Variants in CDH13 observed in about 807,000 individuals in gnomAD.
CDH13 encodes the protein cadherin-13.
A neutral mutation model predicts 63.8 loss-of-function variants in CDH13; 24 were observed. The observed-to-expected ratio is 0.38, with a 90% CI of 0.27 to 0.53. CDH13 has a LOEUF of 0.53. CDH13 is among the 20% of genes least tolerant of loss of function. CDH13 has a pLI of 0.85. For missense variants in CDH13, 1,049 were observed against 903.1 expected (o/e 1.16, Z -2.07); for synonymous variants, 503 against 355.3 (o/e 1.42, Z -4.67).
intron 6 of CDH13, among the ~76,000 whole-genome samples, chr16:83,380,458 GTGAAACCTTTCTA>G (rs1291969516): frequency 5.9e-5 from 9 of 152,076 alleles, no homozygotes; most frequent in Non-Finnish European, 1.0e-4. Context: ...ACAGATACAC[GTGAAACCTTTCTA>G]TCTACCTACC....
At chr16:82,965,307 G>C (rs1474532010) in intron 2 of CDH13, among the ~76,000 whole-genome samples, 1 of 152,204 alleles carries the variant, frequency 6.6e-6, no homozygotes, top group African/African-American at 2.4e-5. Flanking sequence ...ATGCTCTTCT[G>C]AGCTTGGAGC....
chr16:83,025,199 A>G (rs1567755496), intron 2 of CDH13, among the ~76,000 whole-genome samples: 1 of 152,234 alleles, frequency 6.6e-6, no homozygotes, highest in Non-Finnish European at 1.5e-5. Context: ...TTGTTTACAC[A>G]TGCCATAAGG....
chr16:82,775,745 G>T (rs1358971118), intron 1 of CDH13, among the ~76,000 whole-genome samples: 1 of 152,170 alleles, frequency 6.6e-6, no homozygotes, highest in Non-Finnish European at 1.5e-5. Flanking sequence ...GTTGGGTAAA[G>T]CTCTGAGCAC....
chr16:82,990,622 C>G (rs1911548713), intron 2 of CDH13, among the ~76,000 whole-genome samples: 1 of 150,994 alleles, frequency 6.6e-6, no homozygotes, highest in African/African-American at 2.4e-5. Context: ...TCACGGCTCA[C>G]TGCCGCCTTG....
intron 1 of CDH13, among the ~76,000 whole-genome samples, chr16:82,847,862 C>G (rs1434733999): frequency 6.8e-6 from 1 of 147,450 alleles, no homozygotes; most frequent in Non-Finnish European, 1.5e-5. Context: ...TTGCCCCATG[C>G]TTTTCCTTGT....
chr16:82,879,244 C>T (rs916601272), intron 2 of CDH13, among the ~76,000 whole-genome samples: 2 of 151,922 alleles, frequency 1.3e-5, no homozygotes, highest in African/African-American at 4.8e-5. Flanking sequence ...GCTCTGTAAC[C>T]TAGAAAAAGC....
intron 7 of CDH13, among the ~76,000 whole-genome samples, chr16:83,488,915 G>A (rs1340432661): frequency 6.6e-6 from 1 of 152,178 alleles, no homozygotes; most frequent in African/African-American, 2.4e-5. Context: ...ATGAGCCACT[G>A]CGCCCGGCCA....
intron 2 of CDH13, among the ~76,000 whole-genome samples, chr16:82,884,772 C>A (rs975173127): frequency 7.2e-5 from 11 of 152,172 alleles, no homozygotes; most frequent in African/African-American, 2.2e-4. Flanking sequence ...GATTTTTCAG[C>A]CTTGTCCAAT....
intron 5 of CDH13, among the ~76,000 whole-genome samples, chr16:83,234,769 A>T (rs1194580413): frequency 6.6e-6 from 1 of 152,190 alleles, no homozygotes; most frequent in Non-Finnish European, 1.5e-5. Flanking sequence ...GTTTTTGTCC[A>T]CTTTGCATGT....
chr16:82,794,137 C>T (rs1357253040), intron 1 of CDH13, among the ~76,000 whole-genome samples: 1 of 151,462 alleles, frequency 6.6e-6, no homozygotes, highest in African/African-American at 2.4e-5. Context: ...CGTAAAGTTT[C>T]TTAAAAGGTT....
intron 6 of CDH13, among the ~76,000 whole-genome samples, chr16:83,436,994 G>C (rs958712091): frequency 1.3e-5 from 2 of 151,966 alleles, no homozygotes; most frequent in Non-Finnish European, 2.9e-5. Flanking sequence ...CTTGATTTTG[G>C]TGCTTGAGAA....
At position 83,390,818 on chromosome 16, in the gene CDH13, G is replaced by T. The variant is rs1029419798; in HGVS notation, c.781+45812G>T. Among the ~76,000 whole-genome samples, 4 of 152,262 alleles carry T rather than the reference G, an allele frequency of 2.6e-5. No individual in the cohort carries two copies. The East Asian group carries it at 7.7e-4, about 29-fold the overall frequency. On this transcript the variant is annotated intron_variant, in intron 6 of 13. Coordinates refer to ENST00000567109, the MANE Select transcript of CDH13 (RefSeq NM_001257.5). ...TATTTATTCAGCCGAGGTAGCTGAA[G>T]CAGGAGAAGGAAGAGCCTCAACTCA...
intron 4 of CDH13, among the ~76,000 whole-genome samples, chr16:83,186,201 C>G (rs1343539147): frequency 6.6e-6 from 1 of 150,938 alleles, no homozygotes; most frequent in Non-Finnish European, 1.5e-5. Flanking sequence ...GTGGCGTGAT[C>G]TCGGATCACT....
chr16:83,656,795 T>C (rs186945044), intron 8 of CDH13, among the ~76,000 whole-genome samples: 2 of 152,334 alleles, frequency 1.3e-5, no homozygotes, highest in Admixed American at 1.3e-4. Context: ...CATTCCCAGT[T>C]ATCCTTTGCC....
At chr16:83,596,294 C>T (rs1907250343) in intron 7 of CDH13, among the ~76,000 whole-genome samples, 1 of 152,202 alleles carries the variant, frequency 6.6e-6, no homozygotes, top group Non-Finnish European at 1.5e-5. Context: ...CCTCCCAAAA[C>T]ATTCAAGGCA....
chr16:83,515,899 A>G (rs1402898077), intron 7 of CDH13, among the ~76,000 whole-genome samples: 1 of 152,176 alleles, frequency 6.6e-6, no homozygotes, highest in Non-Finnish European at 1.5e-5. Context: ...TATAGGAATT[A>G]AACAGACAAG....
Position 83,426,907 on chromosome 16 carries a change from C to CTTTTTTTTTTTT in CDH13, c.782-59549_782-59538dup, listed in dbSNP as rs71148833. Reference sequence around the variant, plus strand: ...TCAGAATCTATAAATATGTTTCTTTCTTTTTTTTTTTTTTTTTTTTTTTTT... The same window carrying CTTTTTTTTTTTT: ...TCAGAATCTATAAATATGTTTCTTTCTTTTTTTTTTTTTTTTTTTTTTTTTTTTTTTTTTTTT... On this transcript the variant is annotated intron_variant, in intron 6 of 13. Coordinates refer to ENST00000567109, the MANE Select transcript of CDH13 (RefSeq NM_001257.5). Among the ~76,000 whole-genome samples the CTTTTTTTTTTTT allele has an allele frequency of 3.8e-4, 24 of 63,184 alleles. 4 individuals carry two copies. Among genetic ancestry groups the CTTTTTTTTTTTT allele is most frequent in the African/African-American group, 4.2e-4 (6 of 14,128 alleles). The allele number at this position is 63,184 out of a possible 152,430, so 41.5% of individuals were successfully genotyped here. A position where few individuals can be genotyped will look rare whatever the true frequency, so the allele number is the denominator to read the frequency against.
intron 7 of CDH13, among the ~76,000 whole-genome samples, chr16:83,513,563 G>T (rs1277017846): frequency 6.6e-6 from 1 of 152,136 alleles, no homozygotes; most frequent in Non-Finnish European, 1.5e-5. Flanking sequence ...CATGGCAGAA[G>T]GGAAAGTCAA....
chr16:82,966,361 A>C (rs1907827493), intron 2 of CDH13, among the ~76,000 whole-genome samples: 1 of 151,824 alleles, frequency 6.6e-6, no homozygotes, highest in East Asian at 1.9e-4. Flanking sequence ...GTTGGCTAGG[A>C]TGGTCTCGAT....
Sources: gnomAD v4.1 joint callset for allele counts (sites outside exome capture counted in the v4.1 genomes callset) on GRCh38, gnomAD v4.1.1 for gene constraint, MANE v1.5 for transcripts, NCBI Gene and HGNC (gene_info 2026-07-23, HGNC 2026-07-21) for gene names.